Variants in C2CD5 observed in about 807,000 individuals in gnomAD.
C2CD5 encodes the protein C2 domain-containing protein 5.
Under a neutral mutation model 130.3 loss-of-function variants are expected in C2CD5, and 109 were observed. The observed-to-expected ratio is 0.84, with a 90% CI of 0.72 to 0.98. The LOEUF (loss-of-function observed/expected upper bound fraction) is 0.98, where lower values mean the gene tolerates loss of function less well. Among genes scored for constraint, C2CD5 ranks in the 50% least tolerant of loss-of-function variants. The pLI, the probability that C2CD5 is intolerant of heterozygous loss-of-function variation, is 0.00. For missense variants in C2CD5, 996 were observed against 1,261.8 expected, an observed-to-expected ratio of 0.79 and a Z score of 3.19; for synonymous variants, 454 against 429.2, an observed-to-expected ratio of 1.06 and a Z score of -0.71.
intron 14 of C2CD5, among the ~76,000 whole-genome samples, chr12:22,479,663 G>C (rs534656396): frequency 1.3e-5 from 2 of 152,090 alleles, no homozygotes; most frequent in Non-Finnish European, 2.9e-5. Context: ...GCAGAGAAAA[G>C]TGTTTATTAG....
At chr12:22,503,016 C>T (rs937737684) in intron 10 of C2CD5, among the ~76,000 whole-genome samples, 1 of 152,116 alleles carries the variant, frequency 6.6e-6, no homozygotes, top group African/African-American at 2.4e-5. Context: ...TATTTAATTA[C>T]CTTGATTTTT....
At chr12:22,517,284 A>G (rs1190793069) in intron 8 of C2CD5, among the ~76,000 whole-genome samples, 1 of 144,832 alleles carries the variant, frequency 6.9e-6, no homozygotes, top group African/African-American at 2.8e-5. Flanking sequence ...ATTTATTTTA[A>G]ATTTTTCTAA....
intron 22 of C2CD5, among the ~76,000 whole-genome samples, chr12:22,469,273 C>T (rs1942621848): frequency 6.6e-6 from 1 of 152,048 alleles, no homozygotes. Flanking sequence ...ACTTGTACTA[C>T]TCCCACTCAA....
intron 9 of C2CD5, among the ~76,000 whole-genome samples, chr12:22,509,759 C>A (rs1175208023): frequency 2.6e-5 from 4 of 152,180 alleles, no homozygotes; most frequent in Non-Finnish European, 5.9e-5. Context: ...CTATTATCTC[C>A]ATTTTTTATA....
intron 10 of C2CD5, 135 bp downstream of exon 10, chr12:22,506,576 T>A (rs530856517): frequency 1.7e-6 from 1 of 574,944 alleles, no homozygotes; most frequent in South Asian, 2.4e-5. Context: ...TACAAATATA[T>A]TAAAGTAACG....
At chr12:22,502,668 AT>A in intron 10 of C2CD5, 1 of 800,860 alleles carries the variant, frequency 1.2e-6, no homozygotes, top group South Asian at 1.5e-5. Context: ...CATCTAGAAC[AT>A]TTCTAAAAAC....
intron 7 of C2CD5, among the ~76,000 whole-genome samples, chr12:22,518,866 T>C (rs540410795): frequency 2.4e-4 from 36 of 152,290 alleles, no homozygotes; most frequent in African/African-American, 8.7e-4. Flanking sequence ...AGTACACACA[T>C]ACAAAATAGC....
chr12:22,479,237 C>T (rs987725089), intron 14 of C2CD5, among the ~76,000 whole-genome samples: 5 of 151,936 alleles, frequency 3.3e-5, no homozygotes, highest in African/African-American at 1.2e-4. Context: ...CCACACTCAG[C>T]TAATTTTTGT....
At chr12:22,495,878 G>A (rs1421178107) in intron 10 of C2CD5, among the ~76,000 whole-genome samples, 1 of 151,986 alleles carries the variant, frequency 6.6e-6, no homozygotes, top group East Asian at 1.9e-4. Context: ...ATATTTTGGC[G>A]CATGCTTGGA....
intron 14 of C2CD5, among the ~76,000 whole-genome samples, chr12:22,480,926 T>C (rs1363634081): frequency 6.6e-6 from 1 of 152,014 alleles, no homozygotes; most frequent in Non-Finnish European, 1.5e-5. Context: ...CATCTCAGCC[T>C]CCCAAGTTGC....
At chr12:22,477,101 G>C (rs1189802036) in intron 15 of C2CD5, among the ~76,000 whole-genome samples, 1 of 151,954 alleles carries the variant, frequency 6.6e-6, no homozygotes, top group Non-Finnish European at 1.5e-5. Context: ...ACATAATAAA[G>C]TAAAAAGAAA....
intron 9 of C2CD5, chr12:22,512,653 T>C: frequency 6.7e-7 from 1 of 1,492,076 alleles, no homozygotes; most frequent in South Asian, 1.3e-5. Context: ...ATACCCGCCT[T>C]CTACAGAACC....
chr12:22,500,202 C>A (rs188176123), intron 10 of C2CD5, among the ~76,000 whole-genome samples: 4 of 151,008 alleles, frequency 2.6e-5, no homozygotes, highest in African/African-American at 9.7e-5. Flanking sequence ...AAAATTCTAA[C>A]GCTGTAGTTA....
rs780793421 is a variant in C2CD5, at chr12:22,472,072, G to A, written c.2170-7C>T. The A allele has an allele frequency of 3.4e-6, 5 of 1,455,160 alleles. No homozygotes were observed. In the South Asian group the frequency reaches 5.9e-5, roughly 17 times the overall value. 90.1% of individuals were successfully genotyped at this position (1,455,160 alleles called of 1,614,324 possible). On this transcript the variant is annotated splice_region_variant and splice_polypyrimidine_tract_variant and intron_variant, in intron 18 of 26. Coordinates refer to ENST00000446597, the MANE Select transcript of C2CD5 (RefSeq NM_001286176.2). ...CTCTTACTGAAGTGAACATCTAAAT[G>A]TGGGGTGACATAACATGTCATTTTA...
chr12:22,518,114 T>C lies in C2CD5; in HGVS notation c.824A>G (p.Asn275Ser), dbSNP rs1343124326. 35 of 1,613,744 alleles carry C rather than the reference T, an allele frequency of 2.2e-5. No homozygotes were observed. Among genetic ancestry groups the C allele is most frequent in the African/African-American group, 4.0e-5 (3 of 74,878 alleles). ...MKEIPFNEDP[N>S]PNTHSSGPST... ...GGGTCCTGATGAGTGAGTATTGGGA[T>C]TGGGATCTTCATTGAAGGGAATCCT... Residue 275 changes from asparagine (N) to serine (S), a missense_variant, in exon 8 of 27, where the codon AAT becomes AGT. Physicochemically the swap from Asn to Ser is conservative, Grantham distance 46. Coordinates refer to ENST00000446597, the MANE Select transcript of C2CD5 (RefSeq NM_001286176.2).
At chr12:22,539,606 A>T (rs1952151408) in intron 2 of C2CD5, among the ~76,000 whole-genome samples, 1 of 152,224 alleles carries the variant, frequency 6.6e-6, no homozygotes, top group South Asian at 2.1e-4. Context: ...CAGAGATGCC[A>T]GGTATTCTTC....
chr12:22,477,974 A>T (rs1467638294), intron 15 of C2CD5: 2 of 223,508 alleles, frequency 8.9e-6, no homozygotes, highest in Non-Finnish European at 9.0e-6. Context: ...TCATTCTACC[A>T]GTACTAACAG....
At chr12:22,501,624 A>G (rs1452686094) in intron 10 of C2CD5, among the ~76,000 whole-genome samples, 1 of 152,162 alleles carries the variant, frequency 6.6e-6, no homozygotes, top group East Asian at 1.9e-4. Context: ...AATTCTAATC[A>G]ATGACAGCAG....
chr12:22,526,885 T>C (rs902327170), intron 4 of C2CD5, among the ~76,000 whole-genome samples: 4 of 152,120 alleles, frequency 2.6e-5, no homozygotes, highest in African/African-American at 9.7e-5. Flanking sequence ...CCTACTAAAA[T>C]ATTAAGAAAG....
Sources: allele counts gnomAD v4.1 joint callset (sites outside exome capture counted in the v4.1 genomes callset), GRCh38; gene constraint gnomAD v4.1.1; transcripts MANE v1.5; gene names NCBI Gene and HGNC (gene_info 2026-07-23, HGNC 2026-07-21).